Variants in GGA2 observed in about 807,000 individuals in gnomAD.
GGA2 encodes golgi associated, gamma adaptin ear containing, ARF binding protein 2.
GGA2 carries 48 observed loss-of-function variants against 79.5 expected under a neutral mutation model. The observed-to-expected ratio is 0.60, with a 90% confidence interval of 0.48 to 0.77. GGA2 has a LOEUF of 0.77. GGA2 is among the 30% of genes least tolerant of loss of function. The pLI is 0.00. For synonymous variants in GGA2, 317 were observed against 302.0 expected (o/e 1.05, Z -0.51); for missense variants, 770 against 774.0 (o/e 0.99, Z 0.06).
Position 23,519,582 on chromosome 16 carries a change from T to G in GGA2, c.61+5A>C, listed in dbSNP as rs1184879726. ...TGGTGATGTAGGAGAAGAGAGATGATTTACCTTCAGGGCTAGGGCAGCTGT... is the reference window on the plus strand; with the variant it reads ...TGGTGATGTAGGAGAAGAGAGATGAGTTACCTTCAGGGCTAGGGCAGCTGT... On this transcript the variant is annotated splice_donor_5th_base_variant and intron_variant, in intron 2 of 5. Coordinates refer to the GGA2 transcript ENST00000569300. 1.9e-5 allele frequency: 8 copies of G among 414,278 alleles called. No homozygotes were observed. In the Admixed American group the frequency reaches 2.3e-4, roughly 12 times the overall value. 25.7% of individuals were successfully genotyped at this position (414,278 alleles called of 1,614,324 possible). A position where few individuals can be genotyped will look rare whatever the true frequency, so the allele number is the denominator to read the frequency against.
At chr16:23,524,103 C>T, upstream of GGA2, 1 of 516,458 alleles carries the variant, frequency 1.9e-6, no homozygotes, top group South Asian at 2.4e-5. Flanking sequence ...TAACTCCAAA[C>T]CTCTGCTGTG....
rs765846688 is a variant in GGA2 at position 23,480,700 on chromosome 16, C to A, written c.951G>T (p.Arg317=). The A allele has an allele frequency of 6.8e-6, 11 of 1,613,116 alleles. No homozygotes were observed. The African/African-American group carries it at 1.5e-4, about 22-fold the overall frequency. The part of the protein sequence containing the change: ...VLLYKQVMEG[R]VTFGNRVTSS... ...TGGTCACTCTGTTTCCAAAGGTGAC[C>A]CGGCCCTCCATCACCTGTTTGTACA... Residue 317 remains arginine, a synonymous_variant, in exon 10 of 17, where the codon CGG becomes CGT. Transcript: ENST00000309859.
At chr16:23,472,212 T>C (rs961703596) in intron 14 of GGA2, among the ~76,000 whole-genome samples, 3 of 83,428 alleles carry the variant, frequency 3.6e-5, no homozygotes, top group Admixed American at 1.5e-4. Flanking sequence ...TTTTTTTTTT[T>C]AGACACAGTC....
chr16:23,465,410 C>T lies in GGA2; in HGVS notation c.*2180G>A. The T allele has an allele frequency of 1.4e-6, 1 of 703,004 alleles. No individual in the cohort carries two copies. Among genetic ancestry groups the T allele is most frequent in the Non-Finnish European group, 2.6e-6 (1 of 384,836 alleles). The allele number at this position is 703,004 out of a possible 1,614,324, so 43.5% of individuals were successfully genotyped here. A position where few individuals can be genotyped will look rare whatever the true frequency, so the allele number is the denominator to read the frequency against. ...TTCAGGACAGCAGCCTGCCTCCTCTCCTCCTACCCCTATCCTGTCCAACAC... is the reference window on the plus strand; with the variant it reads ...TTCAGGACAGCAGCCTGCCTCCTCTTCTCCTACCCCTATCCTGTCCAACAC... On this transcript the variant is annotated 3_prime_UTR_variant, in exon 17 of 17. Transcript: ENST00000309859.
chr16:23,510,609 A>G, upstream of GGA2: 1 of 380,410 alleles, frequency 2.6e-6, no homozygotes, highest in Non-Finnish European at 4.7e-6. Flanking sequence ...CCCTCCACCC[A>G]GCGCTGGTCT....
upstream of GGA2, chr16:23,523,008 G>C (rs936304635): frequency 6.6e-6 from 1 of 152,186 alleles, no homozygotes; most frequent in African/African-American, 2.4e-5. Context: ...CAAAGTAAGC[G>C]ATCAAAGAAA....
At chr16:23,470,826 T>C (rs1179217628) in intron 14 of GGA2, among the ~76,000 whole-genome samples, 2 of 5,982 alleles carry the variant, frequency 3.3e-4, no homozygotes, top group Non-Finnish European at 7.1e-4. Context: ...AAATAAATGC[T>C]TTTTTTTTTT....
At chr16:23,507,563 C>A (rs1029198038) in intron 1 of GGA2, among the ~76,000 whole-genome samples, 1 of 146,770 alleles carries the variant, frequency 6.8e-6, no homozygotes, top group Non-Finnish European at 1.5e-5. Context: ...GGGAGGCGGA[C>A]GTTGCAGTGA....
At chr16:23,472,011 A>G (rs898669973) in intron 14 of GGA2, among the ~76,000 whole-genome samples, 8 of 152,190 alleles carry the variant, frequency 5.3e-5, no homozygotes, top group East Asian at 1.9e-4. Flanking sequence ...GAGTATGGGG[A>G]AAAAAAGCAA....
chr16:23,505,885 T>A (rs1964969075), intron 1 of GGA2, among the ~76,000 whole-genome samples: 1 of 152,190 alleles, frequency 6.6e-6, no homozygotes, highest in South Asian at 2.1e-4. Context: ...ACCGTGGAGC[T>A]CCTGGACTGA....
chr16:23,496,023 G>A (rs1010677529), intron 1 of GGA2, among the ~76,000 whole-genome samples: 1 of 152,112 alleles, frequency 6.6e-6, no homozygotes, highest in African/African-American at 2.4e-5. Flanking sequence ...AAGCTGGCTG[G>A]GCACAGTGGC....
At position 23,480,817 on chromosome 16, in the gene GGA2, A is replaced by C. The variant is rs143753110; in HGVS notation, c.881-47T>G. On this transcript the variant is annotated intron_variant, in intron 9 of 16. Coordinates refer to ENST00000309859, the MANE Select transcript of GGA2 (RefSeq NM_015044.4). ...AGAACCCCCTGGTTTGGCAACCAAC[A>C]ATCTCAGTCTTTTCTAAGCTTTTCC... 8.4e-4 allele frequency: 1,327 copies of C among 1,577,032 alleles called. 14 individuals carry two copies. In the South Asian group the frequency reaches 0.011, roughly 13 times the overall value.
Position 23,470,026 on chromosome 16 carries a change from C to T in GGA2, c.1590G>A (p.Trp530Ter). 1 of 1,582,266 alleles carries T rather than the reference C, an allele frequency of 6.3e-7. No homozygotes were observed. Among genetic ancestry groups the T allele is most frequent in the Non-Finnish European group, 8.6e-7 (1 of 1,164,448 alleles). The change falls in exon 15 of 17, where the codon TGG (tryptophan) becomes TGA (stop). Residue 530 changes from tryptophan (W) to a stop codon, truncating the protein, a stop_gained. Transcript: ENST00000309859. LOFTEE classifies it high-confidence loss of function. Reference protein sequence around the residue: ...TMMSTAPQPVWDIMFQVAVPK... With the variant: ...TMMSTAPQPV ...GCACAGCCACTTGAAACATGATATC[C>T]CAGACAGGCTGGGGAGCCGTGCTCA...
upstream of GGA2, among the ~76,000 whole-genome samples, chr16:23,513,805 G>GA (rs71379687): frequency 0.85 from 120,326 of 141,902 alleles, 51,184 homozygotes; most frequent in Middle Eastern, 0.9. Context: ...AAAAAAGAAA[G>GA]AAAAAAAGAA....
rs1965135362 is a variant in GGA2 at position 23,520,736 on chromosome 16, T to C, written c.8+1057A>G. On this transcript the variant is annotated intron_variant, in intron 1 of 5. Coordinates refer to the GGA2 transcript ENST00000569300. ...CAGACGTCTGGAGCTGCTTTCAAGA[T>C]AGCACAGCACACTTCACTTGAGGAA... Among the ~76,000 whole-genome samples, 6 of 151,378 alleles carry C rather than the reference T, an allele frequency of 4.0e-5. No individual in the cohort carries two copies. The South Asian group carries it at 1.0e-3, about 26-fold the overall frequency.
chr16:23,507,817 TAAATAA>T (rs916468679), intron 1 of GGA2, among the ~76,000 whole-genome samples: 4 of 151,114 alleles, frequency 2.6e-5, no homozygotes, highest in Non-Finnish European at 5.9e-5. Context: ...AATAAATAAA[TAAATAA>T]AAATACATTT....
chr16:23,470,400 G>T (rs1313665485), intron 14 of GGA2, among the ~76,000 whole-genome samples: 1 of 152,020 alleles, frequency 6.6e-6, no homozygotes, highest in Non-Finnish European at 1.5e-5. Context: ...CACACCACCA[G>T]TTATTAAAAA....
chr16:23,483,526 G>A (rs1199986637), intron 8 of GGA2, among the ~76,000 whole-genome samples: 1 of 152,234 alleles, frequency 6.6e-6, no homozygotes, highest in East Asian at 1.9e-4. Flanking sequence ...CTGGAATGCA[G>A]AGGGAGATGG....
chr16:23,499,033 C>G (rs1457104518), intron 1 of GGA2, among the ~76,000 whole-genome samples: 1 of 151,994 alleles, frequency 6.6e-6, no homozygotes, highest in Admixed American at 6.6e-5. Flanking sequence ...AGGGAGAGAA[C>G]AGGAGAGGCA....
Sources: gnomAD v4.1 joint callset for allele counts (sites outside exome capture counted in the v4.1 genomes callset) on GRCh38, gnomAD v4.1.1 for gene constraint, MANE v1.5 for transcripts, NCBI Gene and HGNC (gene_info 2026-07-23, HGNC 2026-07-21) for gene names.